INPP4B: variants seen among roughly 807,000 people sequenced by gnomAD.
INPP4B encodes the protein inositol polyphosphate-4-phosphatase type II B, also known as inositol polyphosphate 4-phosphatase type II.
In INPP4B, 55 loss-of-function variants were observed where a neutral mutation model predicts 122.5. The observed-to-expected ratio is 0.45, with a 90% confidence interval of 0.36 to 0.56. The LOEUF (loss-of-function observed/expected upper bound fraction) is 0.56, where lower values mean the gene tolerates loss of function less well. Ranked by LOEUF, INPP4B falls within the 20% of genes least tolerant of loss-of-function variation. INPP4B has a pLI of 0.00. For missense variants in INPP4B, 1,000 were observed against 1,097.7 expected, an observed-to-expected ratio of 0.91 and a Z score of 1.26; for synonymous variants, 403 against 388.7, an observed-to-expected ratio of 1.04 and a Z score of -0.43.
At chr4:142,631,919 A>G (rs1482807471) in intron 2 of INPP4B, among the ~76,000 whole-genome samples, 1 of 152,156 alleles carries the variant, frequency 6.6e-6, no homozygotes, top group Non-Finnish European at 1.5e-5. Flanking sequence ...AGACAGAAGC[A>G]TGGTTGTGAA....
chr4:142,563,364 G>A (rs1730879770), intron 2 of INPP4B, among the ~76,000 whole-genome samples: 1 of 152,156 alleles, frequency 6.6e-6, no homozygotes. Flanking sequence ...TCCCAAAACA[G>A]ATGCAAAGGG....
At chr4:142,063,666 A>G (rs975990339) in intron 25 of INPP4B, among the ~76,000 whole-genome samples, 3 of 152,158 alleles carry the variant, frequency 2.0e-5, no homozygotes, top group African/African-American at 7.2e-5. Context: ...TATTTTCCCT[A>G]GTACTAGTAT....
intron 7 of INPP4B, among the ~76,000 whole-genome samples, chr4:142,398,371 C>T (rs551279585): frequency 2.7e-4 from 12 of 43,944 alleles, no homozygotes; most frequent in Non-Finnish European, 3.5e-4. Context: ...GAGCCAGACT[C>T]TGTCTAAAAA....
chr4:142,250,648 G>A (rs922551056), intron 11 of INPP4B, among the ~76,000 whole-genome samples: 2 of 152,104 alleles, frequency 1.3e-5, no homozygotes, highest in Non-Finnish European at 2.9e-5. Flanking sequence ...TTTATGAATA[G>A]CTCTTAGTTG....
At chr4:142,390,055 C>T (rs957999343) in intron 7 of INPP4B, among the ~76,000 whole-genome samples, 2 of 152,012 alleles carry the variant, frequency 1.3e-5, no homozygotes, top group African/African-American at 2.4e-5. Context: ...ACAAAACAGA[C>T]CTTTCTTAGA....
intron 2 of INPP4B, among the ~76,000 whole-genome samples, chr4:142,588,693 G>C (rs985206109): frequency 1.3e-5 from 2 of 151,454 alleles, no homozygotes; most frequent in African/African-American, 2.4e-5. Context: ...AATCCAAGAA[G>C]TTCTAAATAA....
chr4:142,253,365 T>C (rs937556749), intron 11 of INPP4B, among the ~76,000 whole-genome samples: 1 of 152,218 alleles, frequency 6.6e-6, no homozygotes, highest in African/African-American at 2.4e-5. Flanking sequence ...GATGGCCGAA[T>C]AGGAACAGCT....
rs183304594 is a variant in INPP4B at position 142,652,758 on chromosome 4, A to G, written c.-191+73081T>C. Among the ~76,000 whole-genome samples, 3 of 152,336 alleles carry G rather than the reference A, an allele frequency of 2.0e-5. No homozygotes were observed. In the East Asian group the frequency reaches 5.8e-4, roughly 29 times the overall value. ...ACATTCCATGCTCATGGATAGAAAG[A>G]ATCAATATTGTGAAAATAGCCATAT... On this transcript the variant is annotated intron_variant, in intron 2 of 25. Coordinates refer to ENST00000262992, the MANE Select transcript of INPP4B (RefSeq NM_001101669.3).
intron 10 of INPP4B, among the ~76,000 whole-genome samples, chr4:142,263,315 G>A (rs1740991275): frequency 6.6e-6 from 1 of 151,918 alleles, no homozygotes; most frequent in Non-Finnish European, 1.5e-5. Flanking sequence ...TTCTCTAATA[G>A]CATTGTCTTT....
At chr4:142,102,930 A>T (rs1785188061) in intron 23 of INPP4B, among the ~76,000 whole-genome samples, 1 of 152,084 alleles carries the variant, frequency 6.6e-6, no homozygotes, top group Non-Finnish European at 1.5e-5. Context: ...ACTCAAGAAA[A>T]ACTCTCTCAC....
chr4:142,320,413 C>G (rs913513657), intron 7 of INPP4B, among the ~76,000 whole-genome samples: 4 of 152,178 alleles, frequency 2.6e-5, no homozygotes, highest in Non-Finnish European at 4.4e-5. Flanking sequence ...CCACCTACCA[C>G]AATAATCAAG....
rs1288492974 is a variant in INPP4B, at chr4:142,246,118, G to A, written c.689-8107C>T. Among the ~76,000 whole-genome samples the A allele has an allele frequency of 2.0e-4, 29 of 143,990 alleles. 1 individual carries two copies. The highest frequency in any genetic ancestry group is 6.1e-4 in the African/African-American group (23 of 37,686). The allele number at this position is 143,990 out of a possible 152,430, so 94.5% of individuals were successfully genotyped here. On this transcript the variant is annotated intron_variant, in intron 11 of 25. Coordinates refer to ENST00000262992, the MANE Select transcript of INPP4B (RefSeq NM_001101669.3). The stretch of plus-strand genomic sequence containing the variant: ...TGTGTGTATACACACATATATATAT[G>A]TGTATGTATACACACACATATATAT...
At chr4:142,295,654 A>G (rs1324542125) in intron 9 of INPP4B, among the ~76,000 whole-genome samples, 1 of 152,106 alleles carries the variant, frequency 6.6e-6, no homozygotes, top group Non-Finnish European at 1.5e-5. Flanking sequence ...TGCAGGCGAC[A>G]TGTGTCCTCT....
chr4:142,618,585 T>C (rs566732030), intron 2 of INPP4B, among the ~76,000 whole-genome samples: 1 of 151,814 alleles, frequency 6.6e-6, no homozygotes, highest in Non-Finnish European at 1.5e-5. Context: ...CACACAAAAA[T>C]CTCAAAATGG....
chr4:142,596,163 A>T (rs1046027065), intron 2 of INPP4B, among the ~76,000 whole-genome samples: 3 of 151,998 alleles, frequency 2.0e-5, no homozygotes, highest in East Asian at 1.9e-4. Context: ...TTTTTTTAAT[A>T]AAAAAAGACC....
chr4:142,417,515 T>C (rs1443900404), intron 5 of INPP4B, among the ~76,000 whole-genome samples: 1 of 152,274 alleles, frequency 6.6e-6, no homozygotes, highest in East Asian at 1.9e-4. Context: ...ATTAAATTCC[T>C]AACAATGTAT....
intron 7 of INPP4B, among the ~76,000 whole-genome samples, chr4:142,335,293 C>G (rs1776224119): frequency 6.6e-6 from 1 of 152,044 alleles, no homozygotes; most frequent in Non-Finnish European, 1.5e-5. Flanking sequence ...ATCTAGTTAA[C>G]TGATTCCTAA....
intron 2 of INPP4B, among the ~76,000 whole-genome samples, chr4:142,560,296 G>A (rs531375373): frequency 6.6e-6 from 1 of 152,218 alleles, no homozygotes; most frequent in Admixed American, 6.5e-5. Context: ...ACACTGCATG[G>A]GCACAAGACA....
chr4:142,593,320 C>A (rs932414919), intron 2 of INPP4B, among the ~76,000 whole-genome samples: 1 of 152,000 alleles, frequency 6.6e-6, no homozygotes, highest in Non-Finnish European at 1.5e-5. Context: ...GACCTCCTCA[C>A]CCTCCCCTGC....
Sources: allele counts gnomAD v4.1 joint callset (sites outside exome capture counted in the v4.1 genomes callset), GRCh38; gene constraint gnomAD v4.1.1; transcripts MANE v1.5; gene names NCBI Gene and HGNC (gene_info 2026-07-23, HGNC 2026-07-21).